MAP3K7: variants seen among roughly 807,000 people sequenced by gnomAD.
MAP3K7 encodes TGF-beta activated kinase 1.
MAP3K7 carries 21 observed loss-of-function variants against 84.8 expected under a neutral mutation model. The observed-to-expected ratio is 0.25, with a 90% confidence interval of 0.18 to 0.36. The LOEUF is 0.36. Ranked by LOEUF, MAP3K7 falls within the 10% of genes least tolerant of loss-of-function variation. The pLI is 1.00. For missense variants in MAP3K7, 503 were observed against 747.7 expected (o/e 0.67, Z 3.82); for synonymous variants, 241 against 247.7 (o/e 0.97, Z 0.25).
At chr6:90,583,452 G>A (rs554611748) in intron 1 of MAP3K7, among the ~76,000 whole-genome samples, 8 of 152,184 alleles carry the variant, frequency 5.3e-5, no homozygotes, top group South Asian at 4.1e-4. Context: ...CTCTATGACT[G>A]CTTGTCAATA....
chr6:90,565,158 C>T (rs1389147595), intron 3 of MAP3K7, among the ~76,000 whole-genome samples: 2 of 151,884 alleles, frequency 1.3e-5, no homozygotes, highest in Non-Finnish European at 2.9e-5. Context: ...ACTAGAGAAG[C>T]AAGAGCAAAC....
intron 14 of MAP3K7, among the ~76,000 whole-genome samples, chr6:90,522,155 A>C (rs1775171957): frequency 6.6e-6 from 1 of 152,198 alleles, no homozygotes; most frequent in Non-Finnish European, 1.5e-5. Context: ...GACAAAATTC[A>C]GCTGATATTG....
intron 3 of MAP3K7, among the ~76,000 whole-genome samples, chr6:90,562,411 A>T (rs1389644026): frequency 6.6e-6 from 1 of 152,190 alleles, no homozygotes; most frequent in Non-Finnish European, 1.5e-5. Flanking sequence ...AGCAAACACC[A>T]CACCAGGAGA....
intron 1 of MAP3K7, among the ~76,000 whole-genome samples, 189 bp from the exon 2 acceptor site, chr6:90,571,996 A>G (rs2127985131): frequency 6.6e-6 from 1 of 152,138 alleles, no homozygotes; most frequent in South Asian, 2.1e-4. Context: ...GTGAGAAGAT[A>G]ATTAAATGCA....
chr6:90,566,055 G>C (rs1776692510), intron 3 of MAP3K7, among the ~76,000 whole-genome samples: 1 of 152,054 alleles, frequency 6.6e-6, no homozygotes, highest in Non-Finnish European at 1.5e-5. Context: ...GTACTGATGG[G>C]ACGTATCTCA....
chr6:90,552,287 T>A (rs896046633), intron 7 of MAP3K7, 108 bp from the exon 8 acceptor site: 9 of 1,043,566 alleles, frequency 8.6e-6, no homozygotes, highest in Non-Finnish European at 9.6e-6. Context: ...GATCTTGTAG[T>A]TTAAGATCTG....
chr6:90,570,954 C>T (rs1298856758), intron 2 of MAP3K7, among the ~76,000 whole-genome samples: 2 of 152,154 alleles, frequency 1.3e-5, no homozygotes, highest in Non-Finnish European at 2.9e-5. Flanking sequence ...ACTTACAAAT[C>T]ACTTTCTCAT....
In MAP3K7 at chr6:90,568,596, G is replaced by T. The variant is rs369978696; in HGVS notation, c.259C>A (p.Pro87Thr). 6.2e-7 allele frequency: 1 copy of T among 1,609,312 alleles called. No homozygotes were observed. The change falls in exon 3 of 17, where the codon CCT becomes ACT. Residue 87 changes from proline to threonine, a missense_variant. By Grantham distance (38) the Pro-to-Thr change is conservative. Transcript: ENST00000369329. ...GCTCCATAAAGCTTTACAATATTAG[G>T]ATGGTTCACACGGGATAACTGCCGA... ...ELRQLSRVNH[P>T]NIVKLYGACL...
chr6:90,557,970 C>T (rs1776386284), intron 5 of MAP3K7, among the ~76,000 whole-genome samples: 1 of 152,146 alleles, frequency 6.6e-6, no homozygotes, highest in African/African-American at 2.4e-5. Context: ...TCTTTAGATA[C>T]CATTTTGAGG....
At chr6:90,531,732 C>T (rs112202930) in intron 13 of MAP3K7, among the ~76,000 whole-genome samples, 1,579 of 152,090 alleles carry the variant, frequency 0.01, 15 homozygotes, top group Non-Finnish European at 0.018. Context: ...GCGGGCAGAT[C>T]GCTTGAGGCC....
intron 14 of MAP3K7, among the ~76,000 whole-genome samples, chr6:90,520,716 A>C (rs1471017729): frequency 6.6e-6 from 1 of 152,050 alleles, no homozygotes; most frequent in Non-Finnish European, 1.5e-5. Flanking sequence ...ACTAACATAA[A>C]TGTGTGTTTT....
At chr6:90,582,230 C>G (rs1013146669) in intron 1 of MAP3K7, among the ~76,000 whole-genome samples, 2 of 152,212 alleles carry the variant, frequency 1.3e-5, no homozygotes, top group Admixed American at 1.3e-4. Flanking sequence ...AAACAAGACT[C>G]GGATCTCATT....
At chr6:90,555,401 G>A (rs1191578408) in intron 6 of MAP3K7, among the ~76,000 whole-genome samples, 3 of 151,954 alleles carry the variant, frequency 2.0e-5, no homozygotes, top group Non-Finnish European at 4.4e-5. Context: ...GACTACGGGC[G>A]CCCGCCACCA....
intron 1 of MAP3K7, among the ~76,000 whole-genome samples, chr6:90,585,674 C>T (rs1380857879): frequency 6.6e-6 from 1 of 152,174 alleles, no homozygotes; most frequent in Non-Finnish European, 1.5e-5. Context: ...TGAAAAACGA[C>T]GCTTTAAAGT....
intron 6 of MAP3K7, among the ~76,000 whole-genome samples, chr6:90,555,481 T>A (rs1311035622): frequency 6.6e-6 from 1 of 152,108 alleles, no homozygotes; most frequent in Non-Finnish European, 1.5e-5. Context: ...GGTCTCGATC[T>A]CCTGACCTCA....
intron 3 of MAP3K7, among the ~76,000 whole-genome samples, chr6:90,562,241 C>T (rs1452320619): frequency 6.6e-6 from 1 of 152,170 alleles, no homozygotes; most frequent in Non-Finnish European, 1.5e-5. Context: ...ACAGTGGGTG[C>T]AGCCCATGGA....
intron 13 of MAP3K7, among the ~76,000 whole-genome samples, chr6:90,534,631 G>A (rs987728961): frequency 6.6e-6 from 1 of 152,158 alleles, no homozygotes; most frequent in Non-Finnish European, 1.5e-5. Flanking sequence ...AATTAAAAGG[G>A]TAACAACGAA....
intron 12 of MAP3K7, among the ~76,000 whole-genome samples, chr6:90,540,862 T>G (rs995844063): frequency 2.0e-5 from 3 of 151,956 alleles, no homozygotes; most frequent in Non-Finnish European, 4.4e-5. Flanking sequence ...CTCTTTGACA[T>G]TTGGATTTTT....
In MAP3K7 at chr6:90,515,606, C is replaced by T. The variant is rs545163599; in HGVS notation, c.*895G>A. ...TAGCTGGAGTAATTACTTCCATTTT[C>T]CATTATTTTTCTTCATTTTTTTTTT... On this transcript the variant is annotated 3_prime_UTR_variant, in exon 17 of 17. Coordinates refer to ENST00000369329, the MANE Select transcript of MAP3K7 (RefSeq NM_145331.3). The T allele has an allele frequency of 1.3e-4, 20 of 151,214 alleles. No homozygotes were observed. The highest frequency in any genetic ancestry group is 3.0e-4 in the Non-Finnish European group (20 of 67,794). 9.4% of individuals were successfully genotyped at this position (151,214 alleles called of 1,614,324 possible). A position where few individuals can be genotyped will look rare whatever the true frequency, so the allele number is the denominator to read the frequency against.
Sources: gnomAD v4.1 joint callset for allele counts (sites outside exome capture counted in the v4.1 genomes callset) on GRCh38, gnomAD v4.1.1 for gene constraint, MANE v1.5 for transcripts, NCBI Gene and HGNC (gene_info 2026-07-23, HGNC 2026-07-21) for gene names.